Variants in MAP4K5 observed in about 807,000 individuals in gnomAD.
MAP4K5 encodes the protein mitogen-activated protein kinase kinase kinase kinase 5, also known as MAPK/ERK kinase kinase kinase 5.
Under a neutral mutation model 135.6 loss-of-function variants are expected in MAP4K5, and 82 were observed. The ratio of observed to expected loss-of-function variants is 0.60; its 90% CI spans 0.51 to 0.73. The LOEUF (loss-of-function observed/expected upper bound fraction) is 0.73, where lower values mean the gene tolerates loss of function less well. Ranked by LOEUF, MAP4K5 falls within the 30% of genes least tolerant of loss-of-function variation. The pLI, the probability that MAP4K5 is intolerant of heterozygous loss-of-function variation, is 0.00. For synonymous variants in MAP4K5, 347 were observed against 335.0 expected (o/e 1.04, Z -0.39); for missense variants, 907 against 1,010.9 (o/e 0.90, Z 1.39).
chr14:50,503,040 AAGG>A (rs1032368267), intron 3 of MAP4K5, among the ~76,000 whole-genome samples: 4 of 152,016 alleles, frequency 2.6e-5, no homozygotes, highest in African/African-American at 9.7e-5. Flanking sequence ...GGAATAGAGA[AAGG>A]AGGACTGACA....
chr14:50,423,303 A>G, intron 31 of MAP4K5, 127 bp from the exon 32 acceptor site: 1 of 515,722 alleles, frequency 1.9e-6, no homozygotes, highest in East Asian at 3.0e-5. Flanking sequence ...CCTCAAATAA[A>G]AGAAATTTTA....
intron 31 of MAP4K5, among the ~76,000 whole-genome samples, chr14:50,424,772 C>T (rs987765666): frequency 2.1e-5 from 3 of 145,390 alleles, no homozygotes; most frequent in Non-Finnish European, 4.6e-5. Flanking sequence ...ATATTTGATA[C>T]AGTAAGAAAC....
chr14:50,494,264 G>T (rs2139974447), intron 3 of MAP4K5, among the ~76,000 whole-genome samples: 1 of 151,966 alleles, frequency 6.6e-6, no homozygotes, highest in Admixed American at 6.6e-5. Context: ...GCCTCCCGGG[G>T]TTCAAGTGAT....
chr14:50,447,756 A>T (rs1303245509), intron 15 of MAP4K5, among the ~76,000 whole-genome samples: 1 of 152,224 alleles, frequency 6.6e-6, no homozygotes, highest in African/African-American at 2.4e-5. Flanking sequence ...TTCCAAAGCA[A>T]ACAATAAAAG....
At chr14:50,528,402 T>TA (rs5808556) in intron 2 of MAP4K5, among the ~76,000 whole-genome samples, 1,791 of 107,006 alleles carry the variant, frequency 0.017, 22 homozygotes, top group South Asian at 0.043. Context: ...ACCTAAGGTG[T>TA]AAAAAAAAAA....
Position 50,504,984 on chromosome 14 carries a change from A to G in MAP4K5, c.109-127T>C, listed in dbSNP as rs189350825. On this transcript the variant is annotated intron_variant, in intron 2 of 32. Coordinates refer to ENST00000682126, the MANE Select transcript of MAP4K5 (RefSeq NM_006575.6). ...CAAAACTAAAAAACAAAATATTTCC[A>G]ATAAAATGCTGAGCAAACTCATTTT... 5.4e-4 allele frequency: 301 copies of G among 560,478 alleles called. 1 individual carries two copies. Among genetic ancestry groups the G allele is most frequent in the Non-Finnish European group, 8.0e-4 (269 of 335,216 alleles). 34.7% of individuals were successfully genotyped at this position (560,478 alleles called of 1,614,324 possible).
chr14:50,492,217 C>T (rs774345148), intron 3 of MAP4K5, among the ~76,000 whole-genome samples: 2 of 152,062 alleles, frequency 1.3e-5, no homozygotes, highest in African/African-American at 4.8e-5. Flanking sequence ...ATCCATGACA[C>T]TGGATTTGGT....
intron 21 of MAP4K5, among the ~76,000 whole-genome samples, chr14:50,441,140 A>G (rs2036216817): frequency 6.6e-6 from 1 of 152,248 alleles, no homozygotes; most frequent in Non-Finnish European, 1.5e-5. Flanking sequence ...AGTGGGAAAG[A>G]AGATAAACTG....
At chr14:50,420,490 G>A (rs879719301) in intron 32 of MAP4K5, among the ~76,000 whole-genome samples, 36 of 151,972 alleles carry the variant, frequency 2.4e-4, no homozygotes, top group Non-Finnish European at 7.4e-5. Flanking sequence ...TAATTAGCTG[G>A]GTGTGGAAGC....
intron 2 of MAP4K5, among the ~76,000 whole-genome samples, chr14:50,519,668 A>G (rs1463580688): frequency 6.6e-6 from 1 of 152,100 alleles, no homozygotes; most frequent in African/African-American, 2.4e-5. Flanking sequence ...AATAAATAAA[A>G]TAAATAAAAA....
At chr14:50,485,751 G>A in intron 4 of MAP4K5, 109 bp from the exon 5 acceptor site, 1 of 655,526 alleles carries the variant, frequency 1.5e-6, no homozygotes, top group Non-Finnish European at 2.6e-6. Context: ...ACTGTGAAGT[G>A]CAACAGGAAA....
chr14:50,549,828 G>A (rs954534437), intron 1 of MAP4K5, among the ~76,000 whole-genome samples: 48 of 152,138 alleles, frequency 3.2e-4, no homozygotes, highest in African/African-American at 1.1e-3. Flanking sequence ...AAGTTCCCTG[G>A]ACTAAGAATC....
intron 3 of MAP4K5, among the ~76,000 whole-genome samples, chr14:50,492,269 A>C (rs1326782907): frequency 2.6e-5 from 4 of 152,104 alleles, no homozygotes; most frequent in African/African-American, 4.8e-5. Flanking sequence ...AGGTAACAAA[A>C]GCAAAAACAG....
At chr14:50,486,369 G>A (rs1013629242) in intron 3 of MAP4K5, among the ~76,000 whole-genome samples, 175 bp from the exon 4 acceptor site, 1 of 152,086 alleles carries the variant, frequency 6.6e-6, no homozygotes. Context: ...AAAATATACA[G>A]AATCTTTGAA....
At chr14:50,426,520 A>G (rs1396793566) in intron 30 of MAP4K5, among the ~76,000 whole-genome samples, 1 of 152,044 alleles carries the variant, frequency 6.6e-6, no homozygotes, top group African/African-American at 2.4e-5. Flanking sequence ...AGGTCAGGAG[A>G]TGGAGACCAG....
At chr14:50,465,081 T>C (rs1258122901) in intron 11 of MAP4K5, among the ~76,000 whole-genome samples, 1 of 152,196 alleles carries the variant, frequency 6.6e-6, no homozygotes, top group Non-Finnish European at 1.5e-5. Flanking sequence ...AGCAGCACAA[T>C]ATAAACTCCT....
At chr14:50,452,715 T>A (rs1045394423) in intron 14 of MAP4K5, among the ~76,000 whole-genome samples, 1 of 152,194 alleles carries the variant, frequency 6.6e-6, no homozygotes, top group African/African-American at 2.4e-5. Context: ...CCTGTATTCA[T>A]GTCTCTCAAA....
In MAP4K5 at chr14:50,476,318, A is replaced by T. The variant is rs1292718934; in HGVS notation, c.379-12T>A. 8.1e-6 allele frequency: 8 copies of T among 992,378 alleles called. No homozygotes were observed. In the South Asian group the frequency reaches 1.1e-4, roughly 13 times the overall value. 61.5% of individuals were successfully genotyped at this position (992,378 alleles called of 1,614,324 possible). On this transcript the variant is annotated splice_polypyrimidine_tract_variant and intron_variant, in intron 6 of 32. Coordinates refer to ENST00000682126, the MANE Select transcript of MAP4K5 (RefSeq NM_006575.6). ...AAATAGGCAAGACCCTAAAAGTTTAAAAAAAAAAAAAAAGAATGTATCAGC... is the reference window on the plus strand; with the variant it reads ...AAATAGGCAAGACCCTAAAAGTTTATAAAAAAAAAAAAAGAATGTATCAGC...
At chr14:50,420,283 G>C (rs2035696210) in intron 32 of MAP4K5, among the ~76,000 whole-genome samples, 177 bp from the exon 33 acceptor site, 1 of 152,118 alleles carries the variant, frequency 6.6e-6, no homozygotes, top group South Asian at 2.1e-4. Flanking sequence ...AATAAGAATT[G>C]ATGAATATAA....
Sources: gnomAD v4.1 joint callset for allele counts (sites outside exome capture counted in the v4.1 genomes callset) on GRCh38, gnomAD v4.1.1 for gene constraint, MANE v1.5 for transcripts, NCBI Gene and HGNC (gene_info 2026-07-23, HGNC 2026-07-21) for gene names.